Variants in UMAD1 observed in about 807,000 individuals in gnomAD.
UMAD1 encodes the protein UBAP1-MVB12-associated (UMA)-domain containing protein 1.
A neutral mutation model predicts 6.1 loss-of-function variants in UMAD1; 8 were observed. The observed-to-expected ratio is 1.30, with a 90% CI of 0.76 to 2.35. The LOEUF (loss-of-function observed/expected upper bound fraction) is 2.35. UMAD1 is among the 30% of genes most tolerant of loss of function. The pLI, the probability that UMAD1 is intolerant of heterozygous loss-of-function variation, is 0.00. For missense variants in UMAD1, 130 were observed against 78.4 expected, an observed-to-expected ratio of 1.66 and a Z score of -2.49; for synonymous variants, 56 against 31.4, an observed-to-expected ratio of 1.78 and a Z score of -2.61.
chr7:7,831,736 G>A (rs1783471223), intron 3 of UMAD1, among the ~76,000 whole-genome samples: 1 of 152,142 alleles, frequency 6.6e-6, no homozygotes, highest in Admixed American at 6.6e-5. Flanking sequence ...CCTCGTGGGA[G>A]TATTGTGAGA....
At position 7,826,934 on chromosome 7, in the gene UMAD1, T is replaced by C. The variant is rs1783353203; in HGVS notation, c.156+25191T>C. 2.6e-5 allele frequency among the ~76,000 whole-genome samples: 4 copies of C among 152,244 alleles called. No homozygotes were observed. In the South Asian group the frequency reaches 8.3e-4, roughly 32 times the overall value. On this transcript the variant is annotated intron_variant, in intron 3 of 3. Coordinates refer to ENST00000682710, the MANE Select transcript of UMAD1 (RefSeq NM_001302348.2). ...ATTCAAAATAATTAGAACTAAAATT[T>C]AGTTTATTTTCATTAATATTTAGAG...
At chr7:7,843,323 A>G (rs1010255856) in intron 3 of UMAD1, among the ~76,000 whole-genome samples, 1 of 152,134 alleles carries the variant, frequency 6.6e-6, no homozygotes, top group Non-Finnish European at 1.5e-5. Context: ...TCAGTTGCTC[A>G]TTGGGTGGTT....
chr7:7,779,139 T>G (rs7799611), intron 2 of UMAD1, among the ~76,000 whole-genome samples: 7,965 of 152,274 alleles, frequency 0.052, 689 homozygotes, highest in African/African-American at 0.18. Flanking sequence ...TTTGCCCTGG[T>G]CTTTATTTTC....
intron 3 of UMAD1, among the ~76,000 whole-genome samples, chr7:7,822,801 A>G (rs1302102267): frequency 6.6e-6 from 1 of 152,100 alleles, no homozygotes; most frequent in African/African-American, 2.4e-5. Flanking sequence ...AAGACATATT[A>G]GTAAGACTTC....
chr7:7,827,851 C>G (rs1284590197), intron 3 of UMAD1, among the ~76,000 whole-genome samples: 3 of 152,166 alleles, frequency 2.0e-5, no homozygotes, highest in African/African-American at 7.2e-5. Flanking sequence ...AGCAAAAACT[C>G]CAATTCACAT....
In UMAD1 at chr7:7,640,802, G is replaced by C. The variant is rs1306853279; in HGVS notation, c.-83G>C. 9.6e-6 allele frequency: 2 copies of C among 207,322 alleles called. No homozygotes were observed. The highest frequency in any genetic ancestry group is 2.3e-5 in the African/African-American group (1 of 42,668). 12.8% of individuals were successfully genotyped at this position (207,322 alleles called of 1,614,324 possible). On this transcript the variant is annotated 5_prime_UTR_variant, in exon 1 of 4. Coordinates refer to ENST00000682710, the MANE Select transcript of UMAD1 (RefSeq NM_001302348.2). Reference sequence around the variant, plus strand: ...AAGCTCCGGTGCTGGTGCGGCGGGGGACTGCGGGGCCAGCCTCAGGTACCT... The same window carrying C: ...AAGCTCCGGTGCTGGTGCGGCGGGGCACTGCGGGGCCAGCCTCAGGTACCT...
intron 1 of UMAD1, among the ~76,000 whole-genome samples, chr7:7,658,326 G>A (rs925935700): frequency 2.0e-5 from 3 of 152,166 alleles, no homozygotes; most frequent in Non-Finnish European, 2.9e-5. Context: ...TGATGGCCCT[G>A]GCCAGAACTT....
rs190509392 is a variant in UMAD1, at chr7:7,840,947, G to T, written c.157-36334G>T. Among the ~76,000 whole-genome samples the T allele has an allele frequency of 2.0e-3, 302 of 152,326 alleles. 1 individual carries two copies. The highest frequency in any genetic ancestry group is 3.6e-3 in the Non-Finnish European group (248 of 68,034). ...CTTGTCAGAAGCCAGCAGGTTAGGA[G>T]TTGGGTACCTTCTTTTCTTATGTCA... On this transcript the variant is annotated intron_variant, in intron 3 of 3. Transcript: ENST00000682710.
chr7:7,688,869 G>C (rs1780102471), intron 2 of UMAD1, among the ~76,000 whole-genome samples: 1 of 152,060 alleles, frequency 6.6e-6, no homozygotes, highest in African/African-American at 2.4e-5. Context: ...TTAATATTTG[G>C]TTAGAAAACT....
chr7:7,839,858 A>G (rs1380417040), intron 3 of UMAD1, among the ~76,000 whole-genome samples: 2 of 152,342 alleles, frequency 1.3e-5, no homozygotes, highest in East Asian at 3.9e-4. Flanking sequence ...TAAATTTAAA[A>G]TGAAACTAGT....
chr7:7,789,678 A>G (rs562677708), intron 2 of UMAD1, among the ~76,000 whole-genome samples: 1 of 149,800 alleles, frequency 6.7e-6, no homozygotes, highest in East Asian at 2.0e-4. Context: ...GAATGTGACT[A>G]CTTTAGGTAT....
chr7:7,771,800 G>T (rs976276418), intron 2 of UMAD1, among the ~76,000 whole-genome samples: 1 of 152,142 alleles, frequency 6.6e-6, no homozygotes. Flanking sequence ...GGTGAGAGTG[G>T]AGGGGCTGGT....
At chr7:7,756,677 C>T (rs1021677082) in intron 2 of UMAD1, among the ~76,000 whole-genome samples, 2 of 152,148 alleles carry the variant, frequency 1.3e-5, no homozygotes, top group Admixed American at 6.5e-5. Flanking sequence ...TTAATTTTAG[C>T]GTTAAGTTTC....
intron 1 of UMAD1, among the ~76,000 whole-genome samples, chr7:7,672,459 AT>A (rs971631162): frequency 1.3e-5 from 2 of 152,200 alleles, no homozygotes; most frequent in African/African-American, 4.8e-5. Flanking sequence ...GTTGGCTGCA[AT>A]TTTATAATGG....
Position 7,672,097 on chromosome 7 carries a change from C to G in UMAD1, c.-63-1212C>G, listed in dbSNP as rs545682004. Reference sequence around the variant, plus strand: ...ATTTTCAGTTGCTAGAAGGCTTTCACTCACATTAAATCCTCACCCTCCCTT... The same window carrying G: ...ATTTTCAGTTGCTAGAAGGCTTTCAGTCACATTAAATCCTCACCCTCCCTT... On this transcript the variant is annotated intron_variant, in intron 1 of 3. Coordinates refer to ENST00000682710, the MANE Select transcript of UMAD1 (RefSeq NM_001302348.2). 1.1e-4 allele frequency among the ~76,000 whole-genome samples: 17 copies of G among 152,304 alleles called. No individual in the cohort carries two copies. In the South Asian group the frequency reaches 3.5e-3, roughly 32 times the overall value.
intron 3 of UMAD1, among the ~76,000 whole-genome samples, chr7:7,866,328 G>A (rs552889940): frequency 6.6e-6 from 1 of 152,338 alleles, no homozygotes; most frequent in South Asian, 2.1e-4. Flanking sequence ...GTTTGTGGGG[G>A]TGACAGGGAA....
At chr7:7,753,921 T>C (rs1393311367) in intron 2 of UMAD1, among the ~76,000 whole-genome samples, 4 of 152,120 alleles carry the variant, frequency 2.6e-5, no homozygotes. Context: ...TGGTGGCTCA[T>C]TCCTGTAATC....
At chr7:7,857,073 TGTTTAGGTTTTA>T (rs1784032270) in intron 3 of UMAD1, among the ~76,000 whole-genome samples, 2 of 152,366 alleles carry the variant, frequency 1.3e-5, no homozygotes, top group Admixed American at 1.3e-4. Flanking sequence ...ATTCGGTTTT[TGTTTAGGTTTTA>T]GTTCAAAGCA....
At chr7:7,845,341 A>G (rs35191635) in intron 3 of UMAD1, among the ~76,000 whole-genome samples, 14,388 of 152,118 alleles carry the variant, frequency 0.095, 829 homozygotes, top group Middle Eastern at 0.14. Flanking sequence ...TCTATTTAAC[A>G]AGCTGCTCTA....
Sources: allele counts gnomAD v4.1 joint callset (sites outside exome capture counted in the v4.1 genomes callset), GRCh38; gene constraint gnomAD v4.1.1; transcripts MANE v1.5; gene names NCBI Gene and HGNC (gene_info 2026-07-23, HGNC 2026-07-21).